Variants in TTLL5 observed in about 807,000 individuals in gnomAD.
The protein encoded by TTLL5 is tubulin tyrosine ligase like 5, also known as tubulin polyglutamylase TTLL5.
A neutral mutation model predicts 168.4 loss-of-function variants in TTLL5; 132 were observed. That is an observed-to-expected ratio of 0.78 (90% confidence interval 0.68 to 0.91). The LOEUF is 0.91. Among genes scored for constraint, TTLL5 ranks in the 40% least tolerant of loss-of-function variants. The pLI is 0.00. For missense variants in TTLL5, 1,545 were observed against 1,581.5 expected (o/e 0.98, Z 0.39); for synonymous variants, 546 against 558.6 (o/e 0.98, Z 0.32).
chr14:75,776,652 T>C (rs569524850), intron 22 of TTLL5, 95 bp from the exon 23 acceptor site: 1 of 826,080 alleles, frequency 1.2e-6, no homozygotes, highest in East Asian at 2.6e-5. Flanking sequence ...AAGGACAGAT[T>C]AACTCAAGGC....
Position 75,739,750 on chromosome 14 carries a change from T to C in TTLL5, c.1281+4461T>C, listed in dbSNP as rs182321949. On this transcript the variant is annotated intron_variant, in intron 15 of 31. Transcript: ENST00000298832. ...TCTGTCATATGGGGATAATAATATA[T>C]ACATGAAGTTACAGTGAGGAAGAAA... is the stretch of plus-strand genomic sequence containing the variant. 3.9e-5 allele frequency among the ~76,000 whole-genome samples: 6 copies of C among 152,298 alleles called. No homozygotes were observed. The East Asian group carries it at 1.2e-3, about 29-fold the overall frequency.
intron 31 of TTLL5, among the ~76,000 whole-genome samples, chr14:75,919,100 CTG>C (rs1022609000): frequency 1.4e-5 from 2 of 138,922 alleles, no homozygotes; most frequent in Admixed American, 1.6e-4. Flanking sequence ...ACTCGGGAGG[CTG>C]AGGCAGGAGA....
chr14:75,844,621 G>A (rs1896448011), intron 28 of TTLL5, among the ~76,000 whole-genome samples: 1 of 152,150 alleles, frequency 6.6e-6, no homozygotes, highest in African/African-American at 2.4e-5. Context: ...AGGTTGCTAT[G>A]AAGGCTAACA....
chr14:75,815,590 T>C (rs1434803149), intron 27 of TTLL5, among the ~76,000 whole-genome samples: 1 of 152,194 alleles, frequency 6.6e-6, no homozygotes, highest in East Asian at 1.9e-4. Flanking sequence ...TGATGAAAGA[T>C]AACAAGTGGG....
At chr14:75,924,290 T>G (rs919607107) in intron 31 of TTLL5, among the ~76,000 whole-genome samples, 2 of 134,102 alleles carry the variant, frequency 1.5e-5, no homozygotes, top group African/African-American at 3.0e-5. Flanking sequence ...ATTTTGCCTG[T>G]TTTTTTTTTT....
intron 30 of TTLL5, 40 bp downstream of exon 30, chr14:75,882,942 GT>G (rs1396377008): frequency 6.3e-7 from 1 of 1,593,222 alleles, no homozygotes; most frequent in South Asian, 1.1e-5. Context: ...AGTTTTATCA[GT>G]TCTAAGCTAA....
At chr14:75,822,612 TG>T (rs1291681916) in intron 28 of TTLL5, among the ~76,000 whole-genome samples, 2 of 152,210 alleles carry the variant, frequency 1.3e-5, no homozygotes, top group Non-Finnish European at 2.9e-5. Flanking sequence ...GCCACAGGAA[TG>T]AAAACTGGTG....
chr14:75,681,438 T>A (rs994705020), intron 3 of TTLL5, 107 bp from the exon 4 acceptor site: 3 of 814,794 alleles, frequency 3.7e-6, no homozygotes, highest in Admixed American at 4.4e-5. Context: ...ATCATTTTAA[T>A]GGTAGCATGT....
intron 18 of TTLL5, among the ~76,000 whole-genome samples, chr14:75,758,949 C>G (rs1165639598): frequency 6.6e-6 from 1 of 151,976 alleles, no homozygotes; most frequent in Non-Finnish European, 1.5e-5. Context: ...GATCACTGTT[C>G]TAATGTTTGT....
At position 75,904,956 on chromosome 14, in the gene TTLL5, TAGTA is replaced by T. The variant is rs546401261; in HGVS notation, c.3823+2738_3823+2741del. Among the ~76,000 whole-genome samples, 99 of 152,338 alleles carry T rather than the reference TAGTA, an allele frequency of 6.5e-4. No individual in the cohort carries two copies. In the South Asian group the frequency reaches 9.7e-3, roughly 15 times the overall value. ...AATCTGTTACAGTTATTTGTACAAC[TAGTA>T]AGTAACTGCCAGGCACACCAACATT... On this transcript the variant is annotated intron_variant, in intron 31 of 31. Transcript: ENST00000298832.
At chr14:75,885,699 T>C (rs2032079922) in intron 30 of TTLL5, among the ~76,000 whole-genome samples, 1 of 152,226 alleles carries the variant, frequency 6.6e-6, no homozygotes, top group Non-Finnish European at 1.5e-5. Context: ...TATCAGTTGA[T>C]ATATTCTCAC....
intron 27 of TTLL5, among the ~76,000 whole-genome samples, chr14:75,798,999 T>C (rs1893139775): frequency 6.6e-6 from 1 of 152,184 alleles, no homozygotes; most frequent in Non-Finnish European, 1.5e-5. Context: ...AGGGTATGGT[T>C]TATGTCTGTT....
chr14:75,905,709 G>A (rs1032680821), intron 31 of TTLL5, among the ~76,000 whole-genome samples: 1 of 152,138 alleles, frequency 6.6e-6, no homozygotes, highest in Non-Finnish European at 1.5e-5. Flanking sequence ...GGTGGTGATG[G>A]TAAACTAAAA....
chr14:75,776,875 A>G, intron 23 of TTLL5, 25 bp downstream of exon 23: 1 of 1,567,826 alleles, frequency 6.4e-7, no homozygotes, highest in Non-Finnish European at 8.8e-7. Flanking sequence ...TGATTGATAA[A>G]AGCTGTCTTA....
At chr14:75,687,043 G>T (rs1371332336) in intron 5 of TTLL5, among the ~76,000 whole-genome samples, 1 of 151,956 alleles carries the variant, frequency 6.6e-6, no homozygotes, top group African/African-American at 2.4e-5. Flanking sequence ...AAACTTTTTT[G>T]TTGTTGTTTA....
chr14:75,863,926 A>AAGAAAAG, intron 29 of TTLL5, 64 bp downstream of exon 29: 20 of 1,257,814 alleles, frequency 1.6e-5, no homozygotes, highest in Admixed American at 3.2e-5. Flanking sequence ...AAAAAAAAAA[A>AAGAAAAG]AAAAAAAAGG....
At position 75,782,516 on chromosome 14, in the gene TTLL5, A is replaced by G. The variant is rs750650564; in HGVS notation, c.2545A>G (p.Lys849Glu). The G allele has an allele frequency of 1.2e-6, 2 of 1,614,032 alleles. No homozygotes were observed. The highest frequency in any genetic ancestry group is 1.7e-6 in the Non-Finnish European group (2 of 1,179,954). The change falls in exon 25 of 32, where the codon AAA becomes GAA. Residue 849 changes from lysine to glutamate, a missense_variant. By Grantham distance (56) the Lys-to-Glu change is moderately conservative. Transcript: ENST00000298832. The stretch of plus-strand genomic sequence containing the variant: ...CCCTGAGACTATAATGGAAGAAGTG[A>G]AAATAAAGCCACCTAAACAGCAACA... ...DHPETIMEEVKIKPPKQQQTT... is the reference protein window; with the variant it reads ...DHPETIMEEVEIKPPKQQQTT...
intron 20 of TTLL5, among the ~76,000 whole-genome samples, chr14:75,769,218 G>A (rs1211599889): frequency 6.6e-6 from 1 of 152,114 alleles, no homozygotes; most frequent in Non-Finnish European, 1.5e-5. Flanking sequence ...GTCAATCAGT[G>A]GTTTTCAGAC....
chr14:75,859,496 C>A (rs903925417), intron 28 of TTLL5, among the ~76,000 whole-genome samples: 2 of 152,140 alleles, frequency 1.3e-5, no homozygotes, highest in Non-Finnish European at 2.9e-5. Flanking sequence ...AAGCACAGAA[C>A]CTTCCCACAG....
Sources: allele counts gnomAD v4.1 joint callset (sites outside exome capture counted in the v4.1 genomes callset), GRCh38; gene constraint gnomAD v4.1.1; transcripts MANE v1.5; gene names NCBI Gene and HGNC (gene_info 2026-07-23, HGNC 2026-07-21).